ATP8B4: variants seen among roughly 807,000 people sequenced by gnomAD.
ATP8B4 encodes the protein probable phospholipid-transporting ATPase IM.
Under a neutral mutation model 145.6 loss-of-function variants are expected in ATP8B4, and 133 were observed. That is an observed-to-expected ratio of 0.91 (90% CI 0.79 to 1.05). The LOEUF is 1.05. Among genes scored for constraint, ATP8B4 ranks in the 50% least tolerant of loss-of-function variants. ATP8B4 has a pLI of 0.00. For synonymous variants in ATP8B4, 507 were observed against 492.9 expected (o/e 1.03, Z -0.38); for missense variants, 1,458 against 1,425.2 (o/e 1.02, Z -0.37).
intron 13 of ATP8B4, among the ~76,000 whole-genome samples, chr15:49,969,835 A>G (rs2413991): frequency 0.61 from 92,369 of 152,034 alleles, 30,667 homozygotes; most frequent in African/African-American, 0.88. Context: ...AAAATTTCAG[A>G]CCAATATCCC....
chr15:50,173,503 G>C (rs1347727961), intron 1 of ATP8B4, among the ~76,000 whole-genome samples: 1 of 152,092 alleles, frequency 6.6e-6, no homozygotes, highest in Non-Finnish European at 1.5e-5. Context: ...CAGCATACTG[G>C]TTAAGAGTCA....
At chr15:49,943,715 A>G (rs2042346103) in intron 14 of ATP8B4, among the ~76,000 whole-genome samples, 1 of 152,238 alleles carries the variant, frequency 6.6e-6, no homozygotes, top group African/African-American at 2.4e-5. Flanking sequence ...AAGAAATGCC[A>G]AAGGGAGTCT....
At chr15:49,941,818 A>C (rs1466603649) in intron 14 of ATP8B4, among the ~76,000 whole-genome samples, 1 of 152,242 alleles carries the variant, frequency 6.6e-6, no homozygotes, top group East Asian at 1.9e-4. Flanking sequence ...TGAGTAAATA[A>C]AGAAAATGTG....
chr15:49,987,496 G>C lies in ATP8B4; in HGVS notation c.643C>G (p.Leu215Val). 1 of 1,613,672 alleles carries C rather than the reference G, an allele frequency of 6.2e-7. No individual in the cohort carries two copies. The highest frequency in any genetic ancestry group is 8.5e-7 in the Non-Finnish European group (1 of 1,179,722). ...NNKLDKFMGI[L>V]SWKDSKHSLN... is the part of the protein sequence containing the mutation. Reference sequence around the variant, plus strand: ...GAATGCTTGCTGTCTTTCCAAGAAAGGATTCCCATGAATTTATCTAACTTG... The same window carrying C: ...GAATGCTTGCTGTCTTTCCAAGAAACGATTCCCATGAATTTATCTAACTTG... The change falls in exon 10 of 28, where the codon CTT (leucine) becomes GTT (valine). Residue 215 changes from leucine to valine, a missense_variant. Transcript: ENST00000284509.
chr15:49,942,252 CA>C (rs575876747), intron 14 of ATP8B4, among the ~76,000 whole-genome samples: 55 of 150,800 alleles, frequency 3.6e-4, no homozygotes, highest in Non-Finnish European at 7.2e-4. Flanking sequence ...AATGATACTA[CA>C]AAAAAAAGTA....
intron 1 of ATP8B4, among the ~76,000 whole-genome samples, chr15:50,165,323 G>A (rs538414844): frequency 1.3e-5 from 2 of 152,290 alleles, no homozygotes; most frequent in East Asian, 1.9e-4. Flanking sequence ...AAAGTGCTGG[G>A]ATTATAGGCA....
intron 17 of ATP8B4, among the ~76,000 whole-genome samples, chr15:49,920,697 AC>A (rs1272203678): frequency 1.3e-5 from 2 of 152,160 alleles, no homozygotes; most frequent in African/African-American, 2.4e-5. Flanking sequence ...GATCAGTGAC[AC>A]CCATGACTTG....
At chr15:49,921,727 A>C (rs1381223767) in intron 17 of ATP8B4, among the ~76,000 whole-genome samples, 1 of 152,226 alleles carries the variant, frequency 6.6e-6, no homozygotes, top group Non-Finnish European at 1.5e-5. Flanking sequence ...TAGAAAAGTC[A>C]ATGCGTACTG....
intron 13 of ATP8B4, among the ~76,000 whole-genome samples, chr15:49,967,878 G>T (rs2044699702): frequency 6.6e-6 from 1 of 152,116 alleles, no homozygotes; most frequent in African/African-American, 2.4e-5. Context: ...CAGAGAAAAA[G>T]GTCAGGTTAC....
intron 14 of ATP8B4, among the ~76,000 whole-genome samples, chr15:49,937,862 T>C (rs375911934): frequency 2.1e-4 from 32 of 152,306 alleles, no homozygotes; most frequent in East Asian, 7.7e-4. Context: ...TCATCAAATA[T>C]TTATCATGCA....
At chr15:50,024,096 G>C (rs941161548) in intron 6 of ATP8B4, among the ~76,000 whole-genome samples, 3 of 152,130 alleles carry the variant, frequency 2.0e-5, no homozygotes, top group Non-Finnish European at 4.4e-5. Context: ...TCCCATAAAA[G>C]TTATGCATCT....
chr15:49,862,098 T>C (rs2031929901), intron 27 of ATP8B4, 147 bp downstream of exon 27: 12 of 995,706 alleles, frequency 1.2e-5, no homozygotes, highest in Non-Finnish European at 1.7e-5. Context: ...GGAAGTCCCA[T>C]CTATTCTGAT....
At chr15:50,143,925 G>A (rs946085214) in intron 1 of ATP8B4, among the ~76,000 whole-genome samples, 2 of 152,222 alleles carry the variant, frequency 1.3e-5, no homozygotes. Context: ...AACTTCACCT[G>A]TAGATAAATG....
chr15:49,975,606 C>T (rs1203470763), intron 12 of ATP8B4, among the ~76,000 whole-genome samples: 4 of 151,994 alleles, frequency 2.6e-5, no homozygotes, highest in East Asian at 1.9e-4. Context: ...ACAAAACCCA[C>T]GTATACAAAG....
In ATP8B4 at chr15:49,862,320, T is replaced by G. The variant is rs1221971472; in HGVS notation, c.3222A>C (p.Thr1074=). 1 of 1,613,886 alleles carries G rather than the reference T, an allele frequency of 6.2e-7. No individual in the cohort carries two copies. The highest frequency in any genetic ancestry group is 1.7e-5 in the Admixed American group (1 of 60,022). Residue 1074 remains threonine, a synonymous_variant, in exon 27 of 28, where the codon ACA becomes ACC. Coordinates refer to ENST00000284509, the MANE Select transcript of ATP8B4 (RefSeq NM_024837.4). ...QKCIWLVILL[T]TVASVMPVVA... ...CCACTGGCATAACTGAAGCCACTGT[T>G]GTTAAGAGAATTACAAGCCAGATGC... is the stretch of plus-strand genomic sequence containing the variant.
chr15:49,899,633 T>TTC, intron 21 of ATP8B4, among the ~76,000 whole-genome samples: 1 of 151,826 alleles, frequency 6.6e-6, no homozygotes, highest in East Asian at 1.9e-4. Flanking sequence ...AATGGTCTCT[T>TTC]TCTCTCTCTC....
chr15:49,993,534 G>A (rs963627974), intron 9 of ATP8B4, among the ~76,000 whole-genome samples: 3 of 152,142 alleles, frequency 2.0e-5, no homozygotes, highest in Admixed American at 1.3e-4. Context: ...AGACTTCCAT[G>A]CCGCACCTTG....
At chr15:49,901,746 T>C (rs2038059754) in intron 20 of ATP8B4, 1 of 400,878 alleles carries the variant, frequency 2.5e-6, no homozygotes, top group Non-Finnish European at 4.8e-6. Flanking sequence ...AAACATATTT[T>C]TTAAAAAAAA....
intron 3 of ATP8B4, among the ~76,000 whole-genome samples, chr15:50,067,730 T>C (rs2053476278): frequency 1.3e-5 from 2 of 152,146 alleles, no homozygotes; most frequent in African/African-American, 4.8e-5. Context: ...AACACACTGC[T>C]AGTCTAAGCA....
Sources: gnomAD v4.1 joint callset for allele counts (sites outside exome capture counted in the v4.1 genomes callset) on GRCh38, gnomAD v4.1.1 for gene constraint, MANE v1.5 for transcripts, NCBI Gene and HGNC (gene_info 2026-07-23, HGNC 2026-07-21) for gene names.